The following FBXL20 variants were observed in gnomAD, a reference collection of about 807,000 sequenced individuals.
The protein encoded by FBXL20 is F-box and leucine rich repeat protein 20, also known as F-box/LRR-repeat protein 20.
A neutral mutation model predicts 64.0 loss-of-function variants in FBXL20; 11 were observed. That is an observed-to-expected ratio of 0.17 (90% CI 0.11 to 0.28). The LOEUF is 0.28. Ranked by LOEUF, FBXL20 falls within the 10% of genes least tolerant of loss-of-function variation. The pLI, the probability that FBXL20 is intolerant of heterozygous loss-of-function variation, is 1.00. For missense variants in FBXL20, 303 were observed against 526.2 expected (o/e 0.58, Z 4.15); for synonymous variants, 184 against 189.0 (o/e 0.97, Z 0.22).
At chr17:39,347,586 A>G (rs1285493787) in intron 1 of FBXL20, among the ~76,000 whole-genome samples, 1 of 152,166 alleles carries the variant, frequency 6.6e-6, no homozygotes, top group Non-Finnish European at 1.5e-5. Context: ...GATTCTGGAT[A>G]TTAGTCCTTT....
chr17:39,391,208 G>T (rs2144675962), intron 1 of FBXL20, among the ~76,000 whole-genome samples: 1 of 149,844 alleles, frequency 6.7e-6, no homozygotes, highest in African/African-American at 2.5e-5. Flanking sequence ...CTTGAGACTA[G>T]GAGTTGGAAA....
chr17:39,386,294 A>G (rs933527008), intron 1 of FBXL20, among the ~76,000 whole-genome samples: 56 of 149,204 alleles, frequency 3.8e-4, no homozygotes, highest in African/African-American at 1.3e-3. Flanking sequence ...GTGACAGAGC[A>G]AGACTCTGTC....
intron 2 of FBXL20, among the ~76,000 whole-genome samples, chr17:39,305,200 GAT>G (rs986080174): frequency 2.0e-4 from 31 of 152,072 alleles, no homozygotes; most frequent in African/African-American, 2.4e-5. Flanking sequence ...AAAAAAGTTA[GAT>G]CTCTACATAT....
chr17:39,370,341 A>G (rs895727552), intron 1 of FBXL20, among the ~76,000 whole-genome samples: 3 of 151,076 alleles, frequency 2.0e-5, no homozygotes, highest in Non-Finnish European at 4.4e-5. Context: ...AAATACAAAA[A>G]CCAGCCAGAT....
chr17:39,363,963 C>T (rs1277306898), intron 1 of FBXL20, among the ~76,000 whole-genome samples: 2 of 144,740 alleles, frequency 1.4e-5, no homozygotes, highest in Non-Finnish European at 1.5e-5. Context: ...GATCTCAGCT[C>T]GCTGCAACTT....
At chr17:39,303,878 G>T (rs962187912) in intron 2 of FBXL20, among the ~76,000 whole-genome samples, 1 of 152,040 alleles carries the variant, frequency 6.6e-6, no homozygotes, top group Admixed American at 6.6e-5. Flanking sequence ...TAGAAACGGG[G>T]TTTCACCATG....
intron 1 of FBXL20, among the ~76,000 whole-genome samples, chr17:39,376,235 C>T (rs776663956): frequency 1.3e-5 from 2 of 152,176 alleles, no homozygotes; most frequent in Non-Finnish European, 2.9e-5. Context: ...CTGGTGCTCC[C>T]TGGAAAACCA....
chr17:39,401,185 G>GAA (rs1189999316), intron 1 of FBXL20, among the ~76,000 whole-genome samples, 176 bp downstream of exon 1: 9 of 152,154 alleles, frequency 5.9e-5, no homozygotes, highest in Non-Finnish European at 1.2e-4. Flanking sequence ...GGGGACTGGG[G>GAA]GCACCGGGCT....
intron 1 of FBXL20, among the ~76,000 whole-genome samples, chr17:39,381,982 T>G (rs1597832250): frequency 6.7e-6 from 1 of 150,206 alleles, no homozygotes; most frequent in Non-Finnish European, 1.5e-5. Flanking sequence ...TAGTCCCAGC[T>G]ACTCAGGAAG....
chr17:39,356,443 C>T (rs1597816760), intron 1 of FBXL20, among the ~76,000 whole-genome samples: 1 of 152,022 alleles, frequency 6.6e-6, no homozygotes, highest in African/African-American at 2.4e-5. Context: ...GCAGCCTCAA[C>T]TTCTTGGGCT....
chr17:39,282,913 A>G (rs1411769893), intron 7 of FBXL20, 58 bp from the exon 8 acceptor site: 4 of 1,589,158 alleles, frequency 2.5e-6, no homozygotes, highest in Non-Finnish European at 3.4e-6. Flanking sequence ...AAAAACACCA[A>G]CGTCTCAATT....
At chr17:39,377,559 G>A (rs991022399) in intron 1 of FBXL20, among the ~76,000 whole-genome samples, 1 of 150,282 alleles carries the variant, frequency 6.7e-6, no homozygotes, top group Non-Finnish European at 1.5e-5. Context: ...GGAGTGCAGT[G>A]GCGCGATCTA....
Position 39,258,307 on chromosome 17 carries a change from T to A in FBXL20, c.*3153A>T, listed in dbSNP as rs2046712933. On this transcript the variant is annotated 3_prime_UTR_variant, in exon 15 of 15. Coordinates refer to ENST00000264658, the MANE Select transcript of FBXL20 (RefSeq NM_032875.3). ...CTTTCCACCTGACCAAAACTTACCA[T>A]GCTTTGTGTTCTCTCAAAGTCCTAG... 1 of 152,248 alleles carries A rather than the reference T, an allele frequency of 6.6e-6. No individual in the cohort carries two copies. Among genetic ancestry groups the A allele is most frequent in the Non-Finnish European group, 1.5e-5 (1 of 68,044 alleles). The allele number at this position is 152,248 out of a possible 1,614,324, so 9.4% of individuals were successfully genotyped here. A position where few individuals can be genotyped will look rare whatever the true frequency, so the allele number is the denominator to read the frequency against.
Position 39,401,486 on chromosome 17 carries a change from G to A in FBXL20, c.-84C>T. Reference sequence around the variant, plus strand: ...GGCCCAGGACAGGCCCGGGAGTTCCGGGACGGGGACTGGGCGCCGGAGGGG... The same window carrying A: ...GGCCCAGGACAGGCCCGGGAGTTCCAGGACGGGGACTGGGCGCCGGAGGGG... On this transcript the variant is annotated 5_prime_UTR_variant, in exon 1 of 15. Coordinates refer to ENST00000264658, the MANE Select transcript of FBXL20 (RefSeq NM_032875.3). The A allele has an allele frequency of 6.6e-7, 1 of 1,517,768 alleles. No homozygotes were observed. Among genetic ancestry groups the A allele is most frequent in the Non-Finnish European group, 8.8e-7 (1 of 1,137,342 alleles). 94.0% of individuals were successfully genotyped at this position (1,517,768 alleles called of 1,614,324 possible).
In FBXL20 at chr17:39,315,589, G is replaced by C. The variant is rs1597792908; in HGVS notation, c.105-11950C>G. 3.3e-5 allele frequency among the ~76,000 whole-genome samples: 5 copies of C among 151,716 alleles called. No individual in the cohort carries two copies. In the South Asian group the frequency reaches 1.0e-3, roughly 32 times the overall value. ...TCGGAGTCCAAGCAGAGTGAGGAGA[G>C]GACCCTTGAGGAGGGTGACCTAGCA... On this transcript the variant is annotated intron_variant, in intron 2 of 14. Coordinates refer to ENST00000264658, the MANE Select transcript of FBXL20 (RefSeq NM_032875.3).
At chr17:39,337,580 C>T (rs1385371141) in intron 2 of FBXL20, among the ~76,000 whole-genome samples, 11 of 147,774 alleles carry the variant, frequency 7.4e-5, no homozygotes, top group Admixed American at 6.7e-5. Flanking sequence ...ATGTGAGGAG[C>T]GCCTCTGCCC....
rs1412752178 is a variant in FBXL20 at position 39,258,100 on chromosome 17, C to T, written c.*3360G>A. On this transcript the variant is annotated 3_prime_UTR_variant, in exon 15 of 15. Transcript: ENST00000264658. ...GGTACCTTCTAACTTATCCCCAAAT[C>T]TCTTCTCTCTGTTCACTGTTTTTTT... 6.6e-6 allele frequency: 1 copy of T among 152,168 alleles called. No individual in the cohort carries two copies. Among genetic ancestry groups the T allele is most frequent in the Non-Finnish European group, 1.5e-5 (1 of 68,042 alleles). The allele number at this position is 152,168 out of a possible 1,614,324, so 9.4% of individuals were successfully genotyped here.
At chr17:39,320,660 T>C (rs1296847076) in intron 2 of FBXL20, among the ~76,000 whole-genome samples, 1 of 150,548 alleles carries the variant, frequency 6.6e-6, no homozygotes, top group Non-Finnish European at 1.5e-5. Context: ...AGTGGCAAGA[T>C]CTTGGCTCAC....
intron 2 of FBXL20, among the ~76,000 whole-genome samples, chr17:39,339,276 C>A (rs1015481404): frequency 6.6e-6 from 1 of 151,874 alleles, no homozygotes; most frequent in Non-Finnish European, 1.5e-5. Flanking sequence ...TAAGAGTAGC[C>A]TGGGTAACAT....
Sources: gnomAD v4.1 joint callset for allele counts (sites outside exome capture counted in the v4.1 genomes callset) on GRCh38, gnomAD v4.1.1 for gene constraint, MANE v1.5 for transcripts, NCBI Gene and HGNC (gene_info 2026-07-23, HGNC 2026-07-21) for gene names.